Variants in IFT140 observed in about 807,000 individuals in gnomAD.
The protein encoded by IFT140 is intraflagellar transport protein 140 homolog.
Under a neutral mutation model 164.6 loss-of-function variants are expected in IFT140, and 133 were observed. The ratio of observed to expected loss-of-function variants is 0.81; its 90% CI spans 0.70 to 0.93. IFT140 has a LOEUF of 0.93. Among genes scored for constraint, IFT140 ranks in the 40% least tolerant of loss-of-function variants. The pLI is 0.00. For missense variants in IFT140, 2,045 were observed against 1,972.3 expected (o/e 1.04, Z -0.70); for synonymous variants, 860 against 817.3 (o/e 1.05, Z -0.89).
In IFT140 at chr16:1,596,486, C is replaced by T. The variant is rs183804835; in HGVS notation, c.370-3898G>A. ...GCTGCCACCTGGAATGTCCAAGTTTCCAGGCTGCTGCTCTGGGGGAAGAGG... is the reference window on the plus strand; with the variant it reads ...GCTGCCACCTGGAATGTCCAAGTTTTCAGGCTGCTGCTCTGGGGGAAGAGG... On this transcript the variant is annotated intron_variant, in intron 4 of 30. Transcript: ENST00000426508. Among the ~76,000 whole-genome samples, 599 of 152,008 alleles carry T rather than the reference C, an allele frequency of 3.9e-3. 3 individuals carry two copies. Among genetic ancestry groups the T allele is most frequent in the Middle Eastern group, 6.8e-3 (2 of 294 alleles).
intron 19 of IFT140, among the ~76,000 whole-genome samples, chr16:1,528,434 C>CAT (rs34644570): frequency 4.3e-5 from 2 of 46,406 alleles, no homozygotes; most frequent in African/African-American, 7.5e-4. Context: ...CACACAGATG[C>CAT]ACACACACAT....
intron 4 of IFT140, among the ~76,000 whole-genome samples, chr16:1,596,520 T>C (rs1567419791): frequency 6.6e-6 from 1 of 152,146 alleles, no homozygotes; most frequent in Non-Finnish European, 1.5e-5. Context: ...GGTTGTTGGA[T>C]GCAAAAGTTT....
Position 1,525,998 on chromosome 16 carries a change from T to C in IFT140, c.2657A>G (p.Gln886Arg), listed in dbSNP as rs1382140875. ...GTGCTCGGCTACCTGGAGGGCCTCCTGCCACCGGCCCGCAGCCTGGTAGAA... is the reference window on the plus strand; with the variant it reads ...GTGCTCGGCTACCTGGAGGGCCTCCCGCCACCGGCCCGCAGCCTGGTAGAA... ...NKFYQAAGRW[Q>R]EALQVAEHHD... The change falls in exon 21 of 31, where the codon CAG becomes CGG. Residue 886 changes from glutamine (Q) to arginine (R), a missense_variant. Transcript: ENST00000426508. 2 of 1,599,846 alleles carry C rather than the reference T, an allele frequency of 1.3e-6. No individual in the cohort carries two copies. The highest frequency in any genetic ancestry group is 2.3e-5 in the East Asian group (1 of 44,118).
intron 19 of IFT140, among the ~76,000 whole-genome samples, chr16:1,548,952 C>T (rs993574410): frequency 6.6e-6 from 1 of 152,248 alleles, no homozygotes; most frequent in African/African-American, 2.4e-5. Context: ...CATCTGTTCA[C>T]GACGTGAACC....
chr16:1,529,067 G>A (rs963682275), intron 19 of IFT140, among the ~76,000 whole-genome samples: 3 of 152,202 alleles, frequency 2.0e-5, no homozygotes, highest in East Asian at 1.9e-4. Flanking sequence ...GCCCTGCGGT[G>A]GTGTCTGTGG....
At chr16:1,590,633 T>C (rs1477756757) in intron 6 of IFT140, among the ~76,000 whole-genome samples, 3 of 152,228 alleles carry the variant, frequency 2.0e-5, no homozygotes, top group Admixed American at 1.3e-4. Context: ...CCAGCCACTC[T>C]GTCTGCAGGC....
intron 19 of IFT140, among the ~76,000 whole-genome samples, chr16:1,554,563 T>C (rs533836876): frequency 6.6e-6 from 1 of 152,234 alleles, no homozygotes; most frequent in South Asian, 2.1e-4. Context: ...GAAGGGCTAA[T>C]ACAAGGTGGC....
intron 19 of IFT140, chr16:1,555,289 G>T: frequency 2.1e-6 from 1 of 470,830 alleles, no homozygotes; most frequent in Non-Finnish European, 3.8e-6. Context: ...GCACTTCAGG[G>T]TGGAAGCTGG....
In IFT140 at chr16:1,519,851, GGCCTGTCCCCGC is replaced by G. The variant is rs774567356; in HGVS notation, c.4040+18_4040+29del. 4 of 1,514,474 alleles carry G rather than the reference GGCCTGTCCCCGC, an allele frequency of 2.6e-6. No homozygotes were observed. Among genetic ancestry groups the G allele is most frequent in the Non-Finnish European group, 3.5e-6 (4 of 1,134,594 alleles). The allele number at this position is 1,514,474 out of a possible 1,614,324, so 93.8% of individuals were successfully genotyped here. A position where few individuals can be genotyped will look rare whatever the true frequency, so the allele number is the denominator to read the frequency against. ...CCGGCCCTGTAGTCACATCTGCCCT[GGCCTGTCCCCGC>G]TGGCCCCGGGGGCACACCTGCGGGC... On this transcript the variant is annotated intron_variant, in intron 29 of 30. Coordinates refer to ENST00000426508, the MANE Select transcript of IFT140 (RefSeq NM_014714.4).
intron 19 of IFT140, among the ~76,000 whole-genome samples, chr16:1,549,580 C>T (rs1323941437): frequency 4.6e-5 from 7 of 152,194 alleles, no homozygotes; most frequent in East Asian, 1.9e-4. Flanking sequence ...TACAGGTGCC[C>T]GCCACCACGC....
intron 13 of IFT140, among the ~76,000 whole-genome samples, chr16:1,576,319 C>T (rs1441992252): frequency 6.7e-6 from 1 of 148,598 alleles, no homozygotes. Flanking sequence ...TGGCCGGGTG[C>T]AGTGGCTCAT....
intron 9 of IFT140, among the ~76,000 whole-genome samples, chr16:1,586,997 T>C (rs1009421674): frequency 1.3e-5 from 2 of 152,206 alleles, no homozygotes; most frequent in African/African-American, 4.8e-5. Flanking sequence ...GTCATGCTTC[T>C]AACCAAACCC....
In IFT140 at chr16:1,526,715, C is replaced by T. The variant is rs2040711687; in HGVS notation, c.2481G>A (p.Met827Ile). 1 of 1,608,568 alleles carries T rather than the reference C, an allele frequency of 6.2e-7. No homozygotes were observed. Among genetic ancestry groups the T allele is most frequent in the Non-Finnish European group, 8.5e-7 (1 of 1,178,614 alleles). ...LDVAKVCLGNMGHARGARALR... is the reference protein window; with the variant it reads ...LDVAKVCLGNIGHARGARALR... ...GCGCTCGGGCCCCGCGGGCATGGCCCATGTTCCCCAGGCACACCTTGGCCA... is the reference window on the plus strand; with the variant it reads ...GCGCTCGGGCCCCGCGGGCATGGCCTATGTTCCCCAGGCACACCTTGGCCA... Residue 827 changes from methionine to isoleucine, a missense_variant, in exon 20 of 31, where the codon ATG (methionine) becomes ATA (isoleucine). Transcript: ENST00000426508.
chr16:1,534,566 T>C, intron 19 of IFT140: 1 of 1,600,138 alleles, frequency 6.2e-7, no homozygotes, highest in African/African-American at 1.3e-5. Context: ...GTAAGTCCAA[T>C]TGTTTTCCTG....
rs781160807 is a variant in IFT140 at position 1,584,416 on chromosome 16, C to T, written c.1160G>A (p.Gly387Asp). Residue 387 changes from glycine to aspartate, a missense_variant, in exon 11 of 31, where the codon GGT becomes GAT. Physicochemically the swap from Gly to Asp is moderately conservative, Grantham distance 94. Coordinates refer to ENST00000426508, the MANE Select transcript of IFT140 (RefSeq NM_014714.4). ...LQGNITQIQW[G>D]SRKNLLAVNS... ...CACTGCCAGCAGGTTCTTCCTGGAA[C>T]CCCACTTCATTTCCAGGTTGCAAGA... is the stretch of plus-strand genomic sequence containing the variant. 1.7e-5 allele frequency: 28 copies of T among 1,603,734 alleles called. No homozygotes were observed. The highest frequency in any genetic ancestry group is 6.0e-6 in the Non-Finnish European group (7 of 1,176,090).
At chr16:1,538,242 G>A (rs1347033478) in intron 19 of IFT140, among the ~76,000 whole-genome samples, 1 of 152,224 alleles carries the variant, frequency 6.6e-6, no homozygotes, top group Non-Finnish European at 1.5e-5. Flanking sequence ...GCTGCAGAGT[G>A]GCTTGTGGGG....
intron 19 of IFT140, among the ~76,000 whole-genome samples, chr16:1,542,781 C>CA (rs1200170279): frequency 6.6e-6 from 1 of 152,260 alleles, no homozygotes; most frequent in Non-Finnish European, 1.5e-5. Flanking sequence ...CCCAAGCCGC[C>CA]ATGTGAGTTG....
At chr16:1,529,257 G>A (rs950978924) in intron 19 of IFT140, among the ~76,000 whole-genome samples, 3 of 152,236 alleles carry the variant, frequency 2.0e-5, no homozygotes, top group Non-Finnish European at 4.4e-5. Flanking sequence ...GCACAGTCAT[G>A]CCTGGAGCCA....
intron 18 of IFT140, among the ~76,000 whole-genome samples, chr16:1,560,172 C>T (rs1040416525): frequency 3.9e-5 from 6 of 152,174 alleles, no homozygotes; most frequent in Non-Finnish European, 7.3e-5. Context: ...TATTAAAATA[C>T]GGGAATTAAG....
Sources: allele counts gnomAD v4.1 joint callset (sites outside exome capture counted in the v4.1 genomes callset), GRCh38; gene constraint gnomAD v4.1.1; transcripts MANE v1.5; gene names NCBI Gene and HGNC (gene_info 2026-07-23, HGNC 2026-07-21).